SCAI: variants seen among roughly 807,000 people sequenced by gnomAD.
SCAI encodes the protein protein SCAI.
A neutral mutation model predicts 92.2 loss-of-function variants in SCAI; 24 were observed. The ratio of observed to expected loss-of-function variants is 0.26; its 90% CI spans 0.19 to 0.37. The LOEUF is 0.37. Ranked by LOEUF, SCAI falls within the 10% of genes least tolerant of loss-of-function variation. The pLI is 1.00. For missense variants in SCAI, 450 were observed against 736.2 expected (o/e 0.61, Z 4.50); for synonymous variants, 261 against 258.6 (o/e 1.01, Z -0.09).
At chr9:125,018,292 C>T (rs984766832) in intron 9 of SCAI, among the ~76,000 whole-genome samples, 2 of 151,792 alleles carry the variant, frequency 1.3e-5, no homozygotes, top group Admixed American at 6.6e-5. Context: ...GATGGGGCTT[C>T]GTCATGTTGG....
chr9:124,990,498 A>C (rs1243298370), intron 14 of SCAI, among the ~76,000 whole-genome samples: 1 of 152,158 alleles, frequency 6.6e-6, no homozygotes, highest in African/African-American at 2.4e-5. Context: ...AAAACAAAAC[A>C]AAACAAAACA....
chr9:125,132,082 G>A (rs1399306018), intron 2 of SCAI, among the ~76,000 whole-genome samples: 2 of 151,270 alleles, frequency 1.3e-5, no homozygotes, highest in South Asian at 2.1e-4. Context: ...ACATGCTTTC[G>A]CTAGGTTATC....
chr9:125,042,560 C>T (rs1035146084), intron 3 of SCAI, among the ~76,000 whole-genome samples: 2 of 150,664 alleles, frequency 1.3e-5, no homozygotes, highest in African/African-American at 4.9e-5. Context: ...ACAATCTCTT[C>T]CATTAACTTC....
chr9:125,030,706 G>A (rs1323634397), intron 3 of SCAI, among the ~76,000 whole-genome samples: 1 of 152,180 alleles, frequency 6.6e-6, no homozygotes, highest in African/African-American at 2.4e-5. Flanking sequence ...ATTTGCCTGA[G>A]AAAACTGAGA....
At chr9:125,117,442 G>C (rs1330385365) in intron 2 of SCAI, among the ~76,000 whole-genome samples, 1 of 152,044 alleles carries the variant, frequency 6.6e-6, no homozygotes, top group Admixed American at 6.6e-5. Flanking sequence ...GAGGTGGGTA[G>C]ATCACCTGAG....
chr9:125,004,580 C>A (rs1373192879), intron 9 of SCAI, among the ~76,000 whole-genome samples: 1 of 150,488 alleles, frequency 6.6e-6, no homozygotes, highest in Non-Finnish European at 1.5e-5. Context: ...CTGCCCACCT[C>A]AGCCTCCCAA....
chr9:125,115,823 T>C (rs1380785263), intron 2 of SCAI, among the ~76,000 whole-genome samples: 3 of 152,178 alleles, frequency 2.0e-5, no homozygotes, highest in African/African-American at 7.2e-5. Context: ...TGAGGGAATT[T>C]CAAGGTATTG....
intron 2 of SCAI, among the ~76,000 whole-genome samples, chr9:125,111,984 A>G (rs150731293): frequency 1.3e-5 from 2 of 152,322 alleles, no homozygotes; most frequent in African/African-American, 4.8e-5. Context: ...TGATAAGCCC[A>G]TGTGTAGAAG....
chr9:125,142,729 T>C (rs1481411649), intron 1 of SCAI, 52 bp from the exon 2 acceptor site: 3 of 1,505,706 alleles, frequency 2.0e-6, no homozygotes, highest in Admixed American at 1.7e-5. Flanking sequence ...CAAGAAAACA[T>C]CTCCCGGCGC....
Position 125,143,469 on chromosome 9 carries a change from G to A in SCAI, c.-32C>T. ...CCTGCTCCGCCGCGGGAGCTGCTCC[G>A]GCGGCCGCAGGGCTCGCTCGGGAAG... On this transcript the variant is annotated 5_prime_UTR_variant, in exon 1 of 18. Coordinates refer to ENST00000336505, the MANE Select transcript of SCAI (RefSeq NM_001144877.3). The A allele has an allele frequency of 7.5e-7, 1 of 1,336,632 alleles. No individual in the cohort carries two copies. Among genetic ancestry groups the A allele is most frequent in the Non-Finnish European group, 9.6e-7 (1 of 1,043,476 alleles). 82.8% of individuals were successfully genotyped at this position (1,336,632 alleles called of 1,614,324 possible). A position where few individuals can be genotyped will look rare whatever the true frequency, so the allele number is the denominator to read the frequency against.
chr9:124,971,612 A>T, intron 16 of SCAI, 59 bp downstream of exon 16: 1 of 1,465,422 alleles, frequency 6.8e-7, no homozygotes, highest in Middle Eastern at 1.8e-4. Context: ...TAAAATAAGT[A>T]ACCATTTTAA....
intron 3 of SCAI, among the ~76,000 whole-genome samples, chr9:125,032,195 A>ATATTTTTTT (rs1177865840): frequency 7.8e-4 from 78 of 99,468 alleles, no homozygotes; most frequent in African/African-American, 1.1e-3. Flanking sequence ...ATATATATAT[A>ATATTTTTTT]TTTTTTTTTT....
chr9:125,078,723 C>G (rs1355640946), intron 2 of SCAI, among the ~76,000 whole-genome samples: 1 of 152,028 alleles, frequency 6.6e-6, no homozygotes, highest in African/African-American at 2.4e-5. Context: ...TGAGACCAGC[C>G]TGGGAAACAT....
At chr9:125,069,709 CA>C (rs1281518954) in intron 2 of SCAI, among the ~76,000 whole-genome samples, 1 of 149,510 alleles carries the variant, frequency 6.7e-6, no homozygotes, top group Non-Finnish European at 1.5e-5. Context: ...CTGCAACCTC[CA>C]CCTCCCGGGT....
chr9:125,134,873 T>C (rs1484228822), intron 2 of SCAI, among the ~76,000 whole-genome samples: 1 of 151,872 alleles, frequency 6.6e-6, no homozygotes, highest in African/African-American at 2.4e-5. Flanking sequence ...ACGGGGTTTC[T>C]CCATGTTGGT....
intron 2 of SCAI, among the ~76,000 whole-genome samples, chr9:125,111,460 C>A (rs1348404112): frequency 1.3e-5 from 2 of 152,138 alleles, no homozygotes; most frequent in East Asian, 3.8e-4. Flanking sequence ...TTGTCCAACC[C>A]ATGGCCCATG....
chr9:124,998,231 G>A (rs766153468), intron 13 of SCAI, among the ~76,000 whole-genome samples: 6 of 152,094 alleles, frequency 3.9e-5, no homozygotes, highest in Non-Finnish European at 7.4e-5. Context: ...TTGGGAGGCC[G>A]AGGCTAAGGT....
chr9:125,020,688 T>C lies in SCAI; in HGVS notation c.594A>G (p.Val198=). The C allele has an allele frequency of 6.8e-7, 1 of 1,465,074 alleles. No homozygotes were observed. Among genetic ancestry groups the C allele is most frequent in the Non-Finnish European group, 9.4e-7 (1 of 1,062,072 alleles). 90.8% of individuals were successfully genotyped at this position (1,465,074 alleles called of 1,614,324 possible). The stretch of plus-strand genomic sequence containing the variant: ...GTGTATTTACCTTTACCAGATCCTT[T>C]ACAACATCCATTTTGTTGAGAAGAA... ...VCLLLNKMDV[V]KDLVKELSDE... The change falls in exon 7 of 18, where the codon GTA becomes GTG. Residue 198 remains valine, a synonymous_variant. Transcript: ENST00000336505.
intron 3 of SCAI, among the ~76,000 whole-genome samples, chr9:125,032,886 G>A (rs1484769868): frequency 6.6e-6 from 1 of 152,002 alleles, no homozygotes; most frequent in Non-Finnish European, 1.5e-5. Context: ...TAAAGTACTG[G>A]GATTACAGGT....
Sources: allele counts gnomAD v4.1 joint callset (sites outside exome capture counted in the v4.1 genomes callset), GRCh38; gene constraint gnomAD v4.1.1; transcripts MANE v1.5; gene names NCBI Gene and HGNC (gene_info 2026-07-23, HGNC 2026-07-21).